The following DYNC2I1 variants were observed in gnomAD, a reference collection of about 807,000 sequenced individuals.
The protein encoded by DYNC2I1 is dynein 2 intermediate chain 1, also known as cytoplasmic dynein 2 intermediate chain 1.
In DYNC2I1, 89 loss-of-function variants were observed where a neutral mutation model predicts 133.4. The observed-to-expected ratio is 0.67, with a 90% CI of 0.56 to 0.80. DYNC2I1 has a LOEUF of 0.80. Among genes scored for constraint, DYNC2I1 ranks in the 30% least tolerant of loss-of-function variants. DYNC2I1 has a pLI of 0.00. For synonymous variants in DYNC2I1, 504 were observed against 484.3 expected (o/e 1.04, Z -0.54); for missense variants, 1,291 against 1,314.5 (o/e 0.98, Z 0.28).
At chr7:158,878,485 G>C in intron 4 of DYNC2I1, among the ~76,000 whole-genome samples, 1 of 140,164 alleles carries the variant, frequency 7.1e-6, no homozygotes, top group Non-Finnish European at 1.5e-5. Context: ...CGGGTGCCAT[G>C]TGGAGGGGCC....
intron 4 of DYNC2I1, among the ~76,000 whole-genome samples, chr7:158,951,873 C>T (rs545114546): frequency 1.1e-4 from 16 of 152,276 alleles, no homozygotes; most frequent in Admixed American, 5.2e-4. Context: ...CCTCGGGGGA[C>T]GTGAGGGCTT....
In DYNC2I1 at chr7:158,886,984, AAAGT is replaced by A. The variant is rs1844669679; in HGVS notation, c.936-32_936-29del. ...TTTTATTTTTTAAAAGCTCTCATTT[AAAGT>A]AAGTTTTGATTTTGATTATGTTTGC... On this transcript the variant is annotated intron_variant, in intron 6 of 24. Coordinates refer to ENST00000407559, the MANE Select transcript of DYNC2I1 (RefSeq NM_018051.5). 6 of 1,588,600 alleles carry A rather than the reference AAAGT, an allele frequency of 3.8e-6. No homozygotes were observed. In the South Asian group the frequency reaches 5.5e-5, roughly 15 times the overall value.
chr7:158,859,849 T>C (rs1841715798), intron 1 of DYNC2I1, among the ~76,000 whole-genome samples: 1 of 152,216 alleles, frequency 6.6e-6, no homozygotes, highest in Admixed American at 6.5e-5. Flanking sequence ...TCCTGGCAAC[T>C]AATGAATTCC....
At chr7:158,877,796 G>A (rs1270169829) in intron 4 of DYNC2I1, among the ~76,000 whole-genome samples, 1 of 152,184 alleles carries the variant, frequency 6.6e-6, no homozygotes, top group African/African-American at 2.4e-5. Flanking sequence ...CCATTTTCAA[G>A]ACTCTCCATC....
downstream of DYNC2I1, among the ~76,000 whole-genome samples, chr7:158,948,044 G>A (rs1341105670): frequency 6.6e-6 from 1 of 152,220 alleles, no homozygotes. Context: ...GGAGGAGCTG[G>A]CCCGGTGCTT....
At chr7:158,886,444 A>G (rs1001182547) in intron 6 of DYNC2I1, among the ~76,000 whole-genome samples, 8 of 152,038 alleles carry the variant, frequency 5.3e-5, no homozygotes, top group Non-Finnish European at 1.0e-4. Context: ...GAGAACTTGT[A>G]AAGGATGTAG....
chr7:158,883,577 C>T (rs1297505072), intron 5 of DYNC2I1, among the ~76,000 whole-genome samples: 4 of 147,624 alleles, frequency 2.7e-5, no homozygotes, highest in South Asian at 4.3e-4. Flanking sequence ...TTGTAAGCTT[C>T]CTCCAGTTAT....
intron 14 of DYNC2I1, 100 bp downstream of exon 14, chr7:158,914,421 C>A: frequency 1.1e-6 from 1 of 904,464 alleles, no homozygotes; most frequent in Non-Finnish European, 1.6e-6. Context: ...GTCTTTGTAG[C>A]TTGGATAAAT....
intron 3 of DYNC2I1, among the ~76,000 whole-genome samples, chr7:158,874,849 C>T (rs1843208653): frequency 6.6e-6 from 1 of 152,166 alleles, no homozygotes. Context: ...ACGCAGTGTA[C>T]CCCACATGAA....
intron 3 of DYNC2I1, among the ~76,000 whole-genome samples, 184 bp downstream of exon 3, chr7:158,871,746 C>T (rs909584469): frequency 2.0e-5 from 3 of 152,106 alleles, no homozygotes; most frequent in South Asian, 2.1e-4. Flanking sequence ...TCACAGCTCA[C>T]GGCAGCCTCA....
At chr7:158,902,864 G>A (rs1346411249) in intron 10 of DYNC2I1, 1 of 419,462 alleles carries the variant, frequency 2.4e-6, no homozygotes, top group African/African-American at 2.0e-5. Flanking sequence ...AGGGTGCCGT[G>A]GCCCCACTCA....
chr7:158,912,463 T>C (rs1379089020), intron 12 of DYNC2I1, among the ~76,000 whole-genome samples: 1 of 152,054 alleles, frequency 6.6e-6, no homozygotes, highest in Non-Finnish European at 1.5e-5. Context: ...AATTTTTAAA[T>C]TTTTTTTAAG....
chr7:158,918,799 G>A lies in DYNC2I1; in HGVS notation c.1851G>A (p.Arg617=). Residue 617 remains arginine (R), a synonymous_variant, in exon 15 of 25, where the codon AGG becomes AGA. Transcript: ENST00000407559. The part of the protein sequence containing the change: ...RLAAEPSWNL[R]AQDRALYFSD... ...CAGCTGAACCCAGCTGGAATCTTAG[G>A]GCTCAAGACAGGGCCCTGTATTTTA... 3 of 1,613,864 alleles carry A rather than the reference G, an allele frequency of 1.9e-6. No homozygotes were observed. The highest frequency in any genetic ancestry group is 2.5e-6 in the Non-Finnish European group (3 of 1,179,866).
chr7:158,873,293 G>A (rs1193552648), intron 3 of DYNC2I1, among the ~76,000 whole-genome samples: 1 of 152,140 alleles, frequency 6.6e-6, no homozygotes, highest in Non-Finnish European at 1.5e-5. Flanking sequence ...TCTGTTAGAA[G>A]AACAGGTAGT....
At chr7:158,909,670 C>T (rs564304276) in intron 11 of DYNC2I1, among the ~76,000 whole-genome samples, 1 of 152,232 alleles carries the variant, frequency 6.6e-6, no homozygotes, top group Middle Eastern at 3.4e-3. Context: ...CAACCAAGGC[C>T]GCTGGGCCCT....
intron 1 of DYNC2I1, among the ~76,000 whole-genome samples, chr7:158,864,674 AT>A (rs549904988): frequency 4.0e-4 from 57 of 144,180 alleles, no homozygotes; most frequent in Middle Eastern, 3.6e-3. Flanking sequence ...TGCTTGGCTG[AT>A]TTTTTTTTTT....
At chr7:158,926,350 A>G in intron 18 of DYNC2I1, 50 bp downstream of exon 18, 2 of 1,602,100 alleles carry the variant, frequency 1.2e-6, no homozygotes, top group Non-Finnish European at 1.7e-6. Context: ...GTTGTGAAAT[A>G]TGGTTTCCTT....
At chr7:158,872,840 A>G (rs992892206) in intron 3 of DYNC2I1, among the ~76,000 whole-genome samples, 2 of 152,058 alleles carry the variant, frequency 1.3e-5, no homozygotes, top group Non-Finnish European at 1.5e-5. Context: ...CTACTGAAAA[A>G]AAAGAAAAGC....
chr7:158,922,289 A>G, intron 15 of DYNC2I1, 88 bp from the exon 16 acceptor site: 2 of 1,360,686 alleles, frequency 1.5e-6, no homozygotes, highest in Non-Finnish European at 2.0e-6. Flanking sequence ...ATGAAGCTGA[A>G]TTTTTTTTTG....
Sources: gnomAD v4.1 joint callset for allele counts (sites outside exome capture counted in the v4.1 genomes callset) on GRCh38, gnomAD v4.1.1 for gene constraint, MANE v1.5 for transcripts, NCBI Gene and HGNC (gene_info 2026-07-23, HGNC 2026-07-21) for gene names.